PAK5: variants seen among roughly 807,000 people sequenced by gnomAD.
PAK5 encodes serine/threonine-protein kinase PAK 5.
PAK5 carries 16 observed loss-of-function variants against 65.9 expected under a neutral mutation model. That is an observed-to-expected ratio of 0.24 (90% confidence interval 0.16 to 0.37). PAK5 has a LOEUF of 0.37. Ranked by LOEUF, PAK5 falls within the 10% of genes least tolerant of loss-of-function variation. The probability of loss-of-function intolerance (pLI) is 1.00; values close to 1 mark genes in which losing one functional copy is unlikely to be tolerated. For synonymous variants in PAK5, 371 were observed against 354.9 expected, an observed-to-expected ratio of 1.05 and a Z score of -0.51; for missense variants, 785 against 903.9, an observed-to-expected ratio of 0.87 and a Z score of 1.69.
At chr20:9,667,302 C>A (rs901163293) in intron 2 of PAK5, among the ~76,000 whole-genome samples, 5 of 152,038 alleles carry the variant, frequency 3.3e-5, no homozygotes, top group Non-Finnish European at 7.4e-5. Context: ...GAGTATAATT[C>A]TCCTCCTCTT....
chr20:9,548,484 C>G (rs1262269505), intron 7 of PAK5, among the ~76,000 whole-genome samples: 5 of 151,988 alleles, frequency 3.3e-5, no homozygotes, highest in Non-Finnish European at 7.4e-5. Flanking sequence ...CCCTCTTTTC[C>G]AAATTCAGAG....
intron 3 of PAK5, among the ~76,000 whole-genome samples, chr20:9,627,907 A>G (rs1818990538): frequency 6.6e-6 from 1 of 152,190 alleles, no homozygotes; most frequent in Admixed American, 6.5e-5. Context: ...GATTATAGGC[A>G]TGAGCCATTG....
At position 9,825,946 on chromosome 20, in the gene PAK5, T is replaced by C. The variant is rs560834391; in HGVS notation, c.-162+12816A>G. Among the ~76,000 whole-genome samples, 4 of 152,344 alleles carry C rather than the reference T, an allele frequency of 2.6e-5. No homozygotes were observed. In the East Asian group the frequency reaches 7.7e-4, roughly 29 times the overall value. ...TATATTCACTCAAATTCAAAGGTTA[T>C]ACATTCAAGACTTTAATGACCAAGA... On this transcript the variant is annotated intron_variant, in intron 1 of 9. Coordinates refer to ENST00000353224, the MANE Select transcript of PAK5 (RefSeq NM_177990.4).
chr20:9,708,817 C>T (rs1453068616), intron 2 of PAK5, among the ~76,000 whole-genome samples: 1 of 152,162 alleles, frequency 6.6e-6, no homozygotes, highest in African/African-American at 2.4e-5. Context: ...AATTTCCATG[C>T]CCTTGATTGG....
Position 9,538,422 on chromosome 20 carries a change from A to T in PAK5, c.*1040T>A, listed in dbSNP as rs1396567705. 1 of 233,498 alleles carries T rather than the reference A, an allele frequency of 4.3e-6. No homozygotes were observed. Among genetic ancestry groups the T allele is most frequent in the Non-Finnish European group, 8.5e-6 (1 of 118,000 alleles). The allele number at this position is 233,498 out of a possible 1,614,324, so 14.5% of individuals were successfully genotyped here. ...AGCATACAGAGTTTTAAAAATGGTG[A>T]CAAATGAAACCAAACGTCTTGCCCT... On this transcript the variant is annotated 3_prime_UTR_variant, in exon 10 of 10. Transcript: ENST00000353224.
At chr20:9,763,227 T>C (rs751965412) in intron 1 of PAK5, among the ~76,000 whole-genome samples, 1 of 152,108 alleles carries the variant, frequency 6.6e-6, no homozygotes, top group Non-Finnish European at 1.5e-5. Context: ...AATACTATAT[T>C]GTACCAAGAC....
chr20:9,748,858 TA>T (rs539978106), intron 1 of PAK5, among the ~76,000 whole-genome samples: 48 of 152,286 alleles, frequency 3.2e-4, no homozygotes, highest in African/African-American at 1.0e-3. Context: ...CTTATTTAAT[TA>T]ATTCAATTTC....
chr20:9,544,789 C>CA (rs1306049584), intron 7 of PAK5, among the ~76,000 whole-genome samples: 6 of 152,026 alleles, frequency 3.9e-5, no homozygotes, highest in African/African-American at 1.4e-4. Context: ...TTAAATACAC[C>CA]ACAAACAACA....
At chr20:9,674,831 G>T (rs370997697) in intron 2 of PAK5, among the ~76,000 whole-genome samples, 6 of 152,232 alleles carry the variant, frequency 3.9e-5, no homozygotes, top group African/African-American at 1.4e-4. Context: ...AAGGGAGCTT[G>T]TACCCCATGT....
At chr20:9,629,913 T>C (rs1397693212) in intron 3 of PAK5, among the ~76,000 whole-genome samples, 1 of 152,116 alleles carries the variant, frequency 6.6e-6, no homozygotes, top group Admixed American at 6.5e-5. Flanking sequence ...AGGATGCTGA[T>C]GGTGAAGGCT....
rs371795984 is a variant in PAK5, at chr20:9,771,992, C to G, written c.-161-60557G>C. On this transcript the variant is annotated intron_variant, in intron 1 of 9. Transcript: ENST00000353224. ...GGCCGAAGATACAGTGAACAGAGAT[C>G]GCACCACTGCATTCCAGCCTGGGTG... 4.2e-4 allele frequency among the ~76,000 whole-genome samples: 64 copies of G among 152,178 alleles called. 2 individuals are homozygous for G. The South Asian group carries it at 0.013, about 31-fold the overall frequency.
chr20:9,801,806 C>T (rs2053029310), intron 1 of PAK5, among the ~76,000 whole-genome samples: 3 of 152,128 alleles, frequency 2.0e-5, no homozygotes, highest in Admixed American at 2.0e-4. Flanking sequence ...TCCCAAATAG[C>T]TTGAGATACA....
At chr20:9,722,284 CTTGT>C (rs1196452354) in intron 1 of PAK5, among the ~76,000 whole-genome samples, 27 of 152,080 alleles carry the variant, frequency 1.8e-4, no homozygotes, top group African/African-American at 6.5e-4. Flanking sequence ...ACAGTGAAGA[CTTGT>C]TTGGCTGAAG....
intron 1 of PAK5, among the ~76,000 whole-genome samples, chr20:9,783,432 T>A (rs906200120): frequency 6.6e-6 from 1 of 152,104 alleles, no homozygotes; most frequent in Non-Finnish European, 1.5e-5. Context: ...CACCAGATTC[T>A]TTTTTTCCAT....
Position 9,766,425 on chromosome 20 carries a change from A to ACT in PAK5, c.-161-54991_-161-54990insAG, listed in dbSNP as rs1332993884. ...TCAAGCAGAATATATATGTATATAT[A>ACT]TATTCAAGCAGAATATATATGTATA... On this transcript the variant is annotated intron_variant, in intron 1 of 9. Transcript: ENST00000353224. Among the ~76,000 whole-genome samples the ACT allele has an allele frequency of 2.3e-3, 179 of 77,602 alleles. 39 individuals carry two copies. Among genetic ancestry groups the ACT allele is most frequent in the African/African-American group, 0.011 (164 of 14,582 alleles). The allele number at this position is 77,602 out of a possible 152,430, so 50.9% of individuals were successfully genotyped here. A position where few individuals can be genotyped will look rare whatever the true frequency, so the allele number is the denominator to read the frequency against.
At chr20:9,679,853 C>A (rs548277801) in intron 2 of PAK5, among the ~76,000 whole-genome samples, 1 of 152,290 alleles carries the variant, frequency 6.6e-6, no homozygotes, top group East Asian at 1.9e-4. Flanking sequence ...TGGACAAAAG[C>A]GCATCTCAGG....
chr20:9,715,545 G>C (rs1360137903), intron 1 of PAK5, among the ~76,000 whole-genome samples: 1 of 151,886 alleles, frequency 6.6e-6, no homozygotes, highest in Admixed American at 6.6e-5. Flanking sequence ...CCCATTACTG[G>C]GTATATACCC....
chr20:9,597,270 G>A (rs2046287502), intron 3 of PAK5, among the ~76,000 whole-genome samples: 1 of 152,182 alleles, frequency 6.6e-6, no homozygotes, highest in Non-Finnish European at 1.5e-5. Flanking sequence ...CCATGTCTCA[G>A]CTAATCCAGA....
intron 4 of PAK5, among the ~76,000 whole-genome samples, chr20:9,575,191 TTTTTG>T (rs143944343): frequency 2.0e-5 from 3 of 151,718 alleles, no homozygotes; most frequent in Non-Finnish European, 4.4e-5. Context: ...CTTCCCATCC[TTTTTG>T]TTTTGTTTTG....
Sources: gnomAD v4.1 joint callset for allele counts (sites outside exome capture counted in the v4.1 genomes callset) on GRCh38, gnomAD v4.1.1 for gene constraint, MANE v1.5 for transcripts, NCBI Gene and HGNC (gene_info 2026-07-23, HGNC 2026-07-21) for gene names.